The following ALK variants were observed in gnomAD, a reference collection of about 807,000 sequenced individuals.
ALK encodes the protein ALK receptor tyrosine kinase.
Under a neutral mutation model 163.1 loss-of-function variants are expected in ALK, and 74 were observed. The ratio of observed to expected loss-of-function variants is 0.45; its 90% CI spans 0.38 to 0.55. The LOEUF (loss-of-function observed/expected upper bound fraction) is 0.55, where lower values mean the gene tolerates loss of function less well. Ranked by LOEUF, ALK falls within the 20% of genes least tolerant of loss-of-function variation. The probability of loss-of-function intolerance (pLI) is 0.00; values close to 1 mark genes in which losing one functional copy is unlikely to be tolerated. For missense variants in ALK, 2,063 were observed against 2,105.3 expected, an observed-to-expected ratio of 0.98 and a Z score of 0.39; for synonymous variants, 960 against 843.2, an observed-to-expected ratio of 1.14 and a Z score of -2.40.
chr2:29,345,138 A>T (rs1667907410), intron 5 of ALK, among the ~76,000 whole-genome samples: 1 of 152,190 alleles, frequency 6.6e-6, no homozygotes, highest in Admixed American at 6.5e-5. Flanking sequence ...TCACATCTGT[A>T]ATCCCAGCAC....
At chr2:29,359,274 T>G (rs1668332771) in intron 5 of ALK, among the ~76,000 whole-genome samples, 1 of 152,228 alleles carries the variant, frequency 6.6e-6, no homozygotes, top group Non-Finnish European at 1.5e-5. Flanking sequence ...CCAATGCCCC[T>G]CCCTTGAAGA....
chr2:29,781,737 G>C (rs570284432), intron 1 of ALK, among the ~76,000 whole-genome samples: 1 of 152,318 alleles, frequency 6.6e-6, no homozygotes, highest in South Asian at 2.1e-4. Flanking sequence ...TGTTTTGCAA[G>C]AGAAAAAGCT....
At chr2:29,525,634 A>T (rs1488373021) in intron 4 of ALK, among the ~76,000 whole-genome samples, 2 of 151,936 alleles carry the variant, frequency 1.3e-5, no homozygotes, top group East Asian at 3.9e-4. Context: ...TACTAAAAAT[A>T]CAAAAATTAG....
chr2:29,271,462 A>T (rs928684399), intron 11 of ALK, among the ~76,000 whole-genome samples: 2 of 152,246 alleles, frequency 1.3e-5, no homozygotes, highest in Non-Finnish European at 2.9e-5. Context: ...AATTGGAGAT[A>T]TGGGCCAAAT....
At chr2:29,375,867 A>G (rs964892849) in intron 5 of ALK, among the ~76,000 whole-genome samples, 1 of 152,208 alleles carries the variant, frequency 6.6e-6, no homozygotes, top group Non-Finnish European at 1.5e-5. Flanking sequence ...CTGACAGAGG[A>G]GGAGCACTGC....
At chr2:29,533,430 A>G (rs1187108505) in intron 3 of ALK, among the ~76,000 whole-genome samples, 1 of 152,244 alleles carries the variant, frequency 6.6e-6, no homozygotes, top group Non-Finnish European at 1.5e-5. Context: ...TGACTTGTCC[A>G]AAGTCTTAGT....
At chr2:29,384,398 G>A (rs1325544960) in intron 4 of ALK, among the ~76,000 whole-genome samples, 1 of 152,192 alleles carries the variant, frequency 6.6e-6, no homozygotes, top group Non-Finnish European at 1.5e-5. Flanking sequence ...ACCGAAGCAT[G>A]TATTTTGGGG....
At chr2:29,275,588 C>T in intron 9 of ALK, 92 bp from the exon 10 acceptor site, 5 of 1,336,702 alleles carry the variant, frequency 3.7e-6, no homozygotes, top group South Asian at 1.2e-5. Context: ...GATCACCTGG[C>T]TCAGAATGTG....
chr2:29,800,802 C>A (rs561358230), intron 1 of ALK, among the ~76,000 whole-genome samples: 2 of 152,226 alleles, frequency 1.3e-5, no homozygotes, highest in Non-Finnish European at 2.9e-5. Context: ...ATATTCCCAA[C>A]GCATGGGGCT....
intron 9 of ALK, among the ~76,000 whole-genome samples, chr2:29,285,643 A>G (rs575284173): frequency 2.6e-5 from 4 of 151,818 alleles, no homozygotes; most frequent in African/African-American, 7.2e-5. Context: ...GCTCCCTGCA[A>G]TCTCCGCCTC....
chr2:29,874,358 G>A (rs996831180), intron 1 of ALK, among the ~76,000 whole-genome samples: 1 of 150,902 alleles, frequency 6.6e-6, no homozygotes, highest in Non-Finnish European at 1.5e-5. Context: ...CCTTGGCAAT[G>A]ACAAGCTAAA....
intron 5 of ALK, among the ~76,000 whole-genome samples, chr2:29,367,710 T>A (rs1038981590): frequency 6.6e-6 from 1 of 152,200 alleles, no homozygotes; most frequent in African/African-American, 2.4e-5. Context: ...AGATGTTGTG[T>A]ATTGAAGGGC....
At chr2:29,670,424 T>C (rs1364634935) in intron 3 of ALK, among the ~76,000 whole-genome samples, 1 of 152,066 alleles carries the variant, frequency 6.6e-6, no homozygotes, top group African/African-American at 2.4e-5. Flanking sequence ...TTTCAGTTTT[T>C]TTTCTTGATG....
At chr2:29,812,879 A>G (rs1256931878) in intron 1 of ALK, among the ~76,000 whole-genome samples, 2 of 152,122 alleles carry the variant, frequency 1.3e-5, no homozygotes, top group African/African-American at 2.4e-5. Flanking sequence ...CACACACACA[A>G]TCTAGAATGT....
At chr2:29,304,493 T>TAA (rs70958256) in intron 8 of ALK, among the ~76,000 whole-genome samples, 44,301 of 125,042 alleles carry the variant, frequency 0.35, 9,265 homozygotes, top group East Asian at 0.65. Flanking sequence ...AGACTGTGTC[T>TAA]AAAAAAAAAA....
chr2:29,278,418 G>A (rs1558650046), intron 9 of ALK, among the ~76,000 whole-genome samples: 1 of 152,200 alleles, frequency 6.6e-6, no homozygotes, highest in Non-Finnish European at 1.5e-5. Context: ...TAGTAAGCAG[G>A]ATGGGGACCA....
At chr2:29,757,985 T>C (rs1680585586) in intron 1 of ALK, among the ~76,000 whole-genome samples, 1 of 151,138 alleles carries the variant, frequency 6.6e-6, no homozygotes. Flanking sequence ...GAGATGATAT[T>C]CACACCTTAC....
At chr2:29,593,849 C>A (rs1167046396) in intron 3 of ALK, among the ~76,000 whole-genome samples, 1 of 152,218 alleles carries the variant, frequency 6.6e-6, no homozygotes, top group Non-Finnish European at 1.5e-5. Context: ...TGAGCTGAAG[C>A]TGACAGTACC....
chr2:29,423,258 A>G (rs558315584), intron 4 of ALK, among the ~76,000 whole-genome samples: 1 of 152,314 alleles, frequency 6.6e-6, no homozygotes, highest in East Asian at 1.9e-4. Flanking sequence ...GAGGAACCTG[A>G]GACTTGAAAG....
Sources: allele counts gnomAD v4.1 joint callset (sites outside exome capture counted in the v4.1 genomes callset), GRCh38; gene constraint gnomAD v4.1.1; transcripts MANE v1.5; gene names NCBI Gene and HGNC (gene_info 2026-07-23, HGNC 2026-07-21).